The following HCFC1 variants were observed in gnomAD, a reference collection of about 807,000 sequenced individuals.
The protein encoded by HCFC1 is host cell factor C1.
Under a neutral mutation model 105.5 loss-of-function variants are expected in HCFC1, and 7 were observed. That is an observed-to-expected ratio of 0.07 (90% confidence interval 0.04 to 0.12). The LOEUF (loss-of-function observed/expected upper bound fraction) is 0.12, where lower values mean the gene tolerates loss of function less well. Among genes scored for constraint, HCFC1 ranks in the 10% least tolerant of loss-of-function variants. The pLI is 1.00. For missense variants in HCFC1, 1,065 were observed against 1,823.6 expected (o/e 0.58, Z 7.58); for synonymous variants, 918 against 828.1 (o/e 1.11, Z -1.86).
Position 153,950,360 on chromosome X carries a change from A to G in HCFC1, c.5887T>C (p.Ser1963Pro), listed in dbSNP as rs1422408440. The change falls in exon 24 of 26, where the codon TCC becomes CCC. Residue 1963 changes from serine (S) to proline (P), a missense_variant. Coordinates refer to ENST00000310441, the MANE Select transcript of HCFC1 (RefSeq NM_005334.3). Reference protein sequence around the residue: ...CGPSPSCLVQSSSLSNAHIDY... With the variant: ...CGPSPSCLVQPSSLSNAHIDY... ...ATGTGGGCGTTGGAAAGGCTGGAGG[A>G]CTGCACCAGGCAGGAGGGGCTGGGC... 1 of 1,209,484 alleles carries G rather than the reference A, an allele frequency of 8.3e-7. No individual in the cohort carries two copies. The highest frequency in any genetic ancestry group is 1.1e-6 in the Non-Finnish European group (1 of 894,874).
At chrX:153,953,379 C>T (rs1192934605) in intron 18 of HCFC1, among the ~76,000 whole-genome samples, 3 of 112,257 alleles carry the variant, frequency 2.7e-5, no homozygotes, top group Non-Finnish European at 3.8e-5. Context: ...GGTGAAGTGA[C>T]ACGCGATGAG....
At chrX:153,949,854 T>TGAG (rs1237953501) in intron 24 of HCFC1, among the ~76,000 whole-genome samples, 1 of 111,704 alleles carries the variant, frequency 9.0e-6, no homozygotes, top group Non-Finnish European at 1.9e-5. Context: ...AGCTCCCACC[T>TGAG]CTCACTGCCC....
chrX:153,968,815 G>A (rs1557119105), intron 1 of HCFC1, among the ~76,000 whole-genome samples: 5 of 112,509 alleles, frequency 4.4e-5, no homozygotes, highest in African/African-American at 1.3e-4. Context: ...GAAGAAAGTC[G>A]GTCCACAGAG....
At chrX:153,958,332 C>T in intron 10 of HCFC1, 83 bp from the exon 11 acceptor site, 1 of 805,873 alleles carries the variant, frequency 1.2e-6, no homozygotes. Context: ...GGGCCCATAG[C>T]TCCTGCCTCA....
chrX:153,953,139 C>CCCCT (rs1352975037), intron 18 of HCFC1, 181 bp from the exon 19 acceptor site: 1 of 480,971 alleles, frequency 2.1e-6, no homozygotes, highest in African/African-American at 2.4e-5. Context: ...GGGGCCAGAG[C>CCCCT]CAGGCAGCAG....
intron 4 of HCFC1, 65 bp from the exon 5 acceptor site, chrX:153,962,371 C>A: frequency 1.2e-6 from 1 of 800,827 alleles, no homozygotes; most frequent in Non-Finnish European, 1.9e-6. Flanking sequence ...TCCCTGGATT[C>A]AAGCTAGCTC....
At chrX:153,956,479 C>T (rs2065378025) in intron 15 of HCFC1, 68 bp from the exon 16 acceptor site, 2 of 1,115,720 alleles carry the variant, frequency 1.8e-6, no homozygotes, top group African/African-American at 1.8e-5. Context: ...TCCTCCTGCA[C>T]AGGCTGGGGC....
At chrX:153,957,924 A>C (rs781980614) in intron 11 of HCFC1, 38 bp from the exon 12 acceptor site, 1 of 1,165,183 alleles carries the variant, frequency 8.6e-7, no homozygotes, top group Non-Finnish European at 1.2e-6. Context: ...TGATCTGGAA[A>C]CCAAACAAGG....
intron 1 of HCFC1, among the ~76,000 whole-genome samples, chrX:153,967,859 T>C (rs144008145): frequency 9.0e-6 from 1 of 111,399 alleles, no homozygotes; most frequent in African/African-American, 3.3e-5. Flanking sequence ...GGGGACACAT[T>C]TGATGCCTGC....
chrX:153,969,921 G>A (rs1191729316), intron 1 of HCFC1: 1 of 113,050 alleles, frequency 8.8e-6, no homozygotes, highest in East Asian at 2.8e-4. Flanking sequence ...GGGCGACTTG[G>A]AAAGAAATGC....
At chrX:153,958,514 G>A (rs782254072) in intron 10 of HCFC1, 55 bp downstream of exon 10, 496 of 1,067,640 alleles carry the variant, frequency 4.6e-4, no homozygotes, top group Non-Finnish European at 5.8e-4. Flanking sequence ...TCTAAAGCCC[G>A]GAGGGAATGA....
In HCFC1 at chrX:153,963,277, G is replaced by T. The variant is rs1557117475; in HGVS notation, c.660C>A (p.Ile220=). 8.3e-7 allele frequency: 1 copy of T among 1,211,461 alleles called. No homozygotes were observed. The highest frequency in any genetic ancestry group is 1.8e-5 in the South Asian group (1 of 56,978). Reference sequence around the variant, plus strand: ...GCCTGCAGCCACTCATCCCGCCGTAGATCACCAGCTTGGACTTCTTATTGT... The same window carrying T: ...GCCTGCAGCCACTCATCCCGCCGTATATCACCAGCTTGGACTTCTTATTGT... ...EKDNKKSKLV[I]YGGMSGCRLG... The change falls in exon 4 of 26, where the codon ATC becomes ATA. Residue 220 remains isoleucine (I), a synonymous_variant. Coordinates refer to ENST00000310441, the MANE Select transcript of HCFC1 (RefSeq NM_005334.3).
chrX:153,956,021 AC>A (rs781878325), intron 16 of HCFC1, among the ~76,000 whole-genome samples, 169 bp downstream of exon 16: 2 of 113,203 alleles, frequency 1.8e-5, no homozygotes, highest in South Asian at 3.6e-4. Context: ...TGACACAGGG[AC>A]CATGTGACAC....
chrX:153,968,487 A>G (rs1178524018), intron 1 of HCFC1, among the ~76,000 whole-genome samples: 1 of 112,120 alleles, frequency 8.9e-6, no homozygotes, highest in East Asian at 2.8e-4. Context: ...AGAGGGCTTC[A>G]GGTCTGCCAG....
chrX:153,962,180 C>T (rs201370233), intron 5 of HCFC1, 42 bp downstream of exon 5: 144 of 1,070,963 alleles, frequency 1.3e-4, no homozygotes, highest in African/African-American at 1.3e-3. Context: ...GGAGGGGCCA[C>T]GCCAGTCTAG....
chrX:153,971,751 C>G lies in HCFC1; in HGVS notation c.-911G>C, dbSNP rs970630650. 3.4e-6 allele frequency: 1 copy of G among 297,026 alleles called. No individual in the cohort carries two copies. The highest frequency in any genetic ancestry group is 5.9e-6 in the Non-Finnish European group (1 of 170,143). The allele number at this position is 297,026 out of a possible 1,213,427, so 24.5% of individuals were successfully genotyped here. A position where few individuals can be genotyped will look rare whatever the true frequency, so the allele number is the denominator to read the frequency against. ...CTAGAGTTAGGCCCCGAAGCGGCAA[C>G]TGTACGGCAGAAGAAGCGGTAACGG... On this transcript the variant is annotated 5_prime_UTR_variant, in exon 1 of 26. Transcript: ENST00000310441.
intron 1 of HCFC1, chrX:153,969,365 G>A (rs2065503322): frequency 9.0e-6 from 1 of 110,878 alleles, no homozygotes; most frequent in South Asian, 3.9e-4. Flanking sequence ...CGGCCGCGGA[G>A]CAAGGGGTTA....
At chrX:153,951,316 C>T in intron 22 of HCFC1, 34 bp downstream of exon 22, 2 of 1,204,564 alleles carry the variant, frequency 1.7e-6, no homozygotes, top group Non-Finnish European at 1.1e-6. Flanking sequence ...CAAGACCCAC[C>T]CACCTGAGGA....
At chrX:153,964,307 C>G in intron 2 of HCFC1, 23 bp from the exon 3 acceptor site, 2 of 1,150,344 alleles carry the variant, frequency 1.7e-6, no homozygotes, top group Non-Finnish European at 1.2e-6. Flanking sequence ...GACCTGGAGA[C>G]TGAACCGTGG....
Sources: gnomAD v4.1 joint callset for allele counts (sites outside exome capture counted in the v4.1 genomes callset) on GRCh38, gnomAD v4.1.1 for gene constraint, MANE v1.5 for transcripts, NCBI Gene and HGNC (gene_info 2026-07-23, HGNC 2026-07-21) for gene names.